AGBL4: variants seen among roughly 807,000 people sequenced by gnomAD.
AGBL4 encodes cytosolic carboxypeptidase 6.
AGBL4 carries 58 observed loss-of-function variants against 66.4 expected under a neutral mutation model. That is an observed-to-expected ratio of 0.87 (90% confidence interval 0.71 to 1.09). AGBL4 has a LOEUF of 1.09. Ranked by LOEUF, AGBL4 falls within the 50% of genes least tolerant of loss-of-function variation. The pLI, the probability that AGBL4 is intolerant of heterozygous loss-of-function variation, is 0.00. For missense variants in AGBL4, 579 were observed against 631.0 expected (o/e 0.92, Z 0.88); for synonymous variants, 234 against 222.9 (o/e 1.05, Z -0.44).
chr1:49,740,368 C>T (rs1007533070), intron 2 of AGBL4, among the ~76,000 whole-genome samples: 15 of 152,058 alleles, frequency 9.9e-5, no homozygotes, highest in Non-Finnish European at 1.5e-5. Flanking sequence ...AATATATAGG[C>T]GCCCAATATA....
intron 11 of AGBL4, among the ~76,000 whole-genome samples, chr1:48,544,505 C>T (rs1644128069): frequency 6.6e-6 from 1 of 152,160 alleles, no homozygotes; most frequent in African/African-American, 2.4e-5. Context: ...AGTACATGAC[C>T]TTGCCACTCC....
chr1:48,636,040 T>G (rs1376131735), intron 8 of AGBL4, among the ~76,000 whole-genome samples: 1 of 152,258 alleles, frequency 6.6e-6, no homozygotes, highest in Non-Finnish European at 1.5e-5. Flanking sequence ...GTGGCACATT[T>G]ATTTTGTTTT....
At position 49,527,722 on chromosome 1, in the gene AGBL4, C is replaced by T. The variant is rs144857159; in HGVS notation, c.282+169591G>A. 210 of 152,266 alleles carry T rather than the reference C, an allele frequency of 1.4e-3. 1 individual carries two copies. Among genetic ancestry groups the T allele is most frequent in the African/African-American group, 4.8e-3 (200 of 41,562 alleles). 9.4% of individuals were successfully genotyped at this position (152,266 alleles called of 1,614,324 possible). A position where few individuals can be genotyped will look rare whatever the true frequency, so the allele number is the denominator to read the frequency against. On this transcript the variant is annotated intron_variant, in intron 3 of 13. Coordinates refer to ENST00000371839, the MANE Select transcript of AGBL4 (RefSeq NM_032785.4). ...TTTGCCACCATTCTCGGTGCCCCAT[C>T]CACTAGCTCGGATCCTTTCAATCTC... is the stretch of plus-strand genomic sequence containing the variant.
At chr1:48,808,573 C>T (rs1645980603) in intron 6 of AGBL4, among the ~76,000 whole-genome samples, 1 of 150,674 alleles carries the variant, frequency 6.6e-6, no homozygotes, top group African/African-American at 2.4e-5. Flanking sequence ...GAAGAGAAAA[C>T]CAATTTTTTT....
intron 3 of AGBL4, among the ~76,000 whole-genome samples, chr1:49,556,516 TTATA>T (rs35314433): frequency 2.3e-4 from 34 of 146,638 alleles, no homozygotes; most frequent in African/African-American, 4.2e-4. Flanking sequence ...ATAAAAAAAA[TTATA>T]TATATATATA....
intron 6 of AGBL4, among the ~76,000 whole-genome samples, chr1:48,719,030 C>A (rs1012948123): frequency 6.6e-6 from 1 of 152,168 alleles, no homozygotes; most frequent in Non-Finnish European, 1.5e-5. Context: ...AGGATTCAGA[C>A]GGTTGTATGA....
intron 5 of AGBL4, among the ~76,000 whole-genome samples, chr1:49,023,985 C>G (rs548270569): frequency 6.6e-6 from 1 of 152,212 alleles, no homozygotes; most frequent in South Asian, 2.1e-4. Flanking sequence ...TTGTACCTTT[C>G]ACTTTGAGAG....
At chr1:49,844,760 A>C in intron 2 of AGBL4, 1 of 1,588,632 alleles carries the variant, frequency 6.3e-7, no homozygotes, top group Non-Finnish European at 8.6e-7. Flanking sequence ...ATATCCAACA[A>C]TGTCATCTTG....
chr1:49,606,134 A>G (rs1030809010), intron 3 of AGBL4, among the ~76,000 whole-genome samples: 8 of 152,160 alleles, frequency 5.3e-5, no homozygotes, highest in Admixed American at 4.6e-4. Flanking sequence ...AAGTTGCCCT[A>G]GTCTCTAATG....
At chr1:49,120,197 T>C (rs1189767655) in intron 4 of AGBL4, among the ~76,000 whole-genome samples, 2 of 152,342 alleles carry the variant, frequency 1.3e-5, no homozygotes. Flanking sequence ...AATATTGTTA[T>C]GTATGAATTT....
At chr1:49,733,449 T>A (rs145253975) in intron 2 of AGBL4, among the ~76,000 whole-genome samples, 370 of 152,294 alleles carry the variant, frequency 2.4e-3, no homozygotes, top group Non-Finnish European at 3.9e-3. Context: ...TTAGCTGACA[T>A]TGCTGACTGG....
At chr1:48,732,455 G>C (rs1445876685) in intron 6 of AGBL4, among the ~76,000 whole-genome samples, 3 of 151,916 alleles carry the variant, frequency 2.0e-5, no homozygotes, top group African/African-American at 7.3e-5. Context: ...AATGGAAGTG[G>C]GAGAAGAAAG....
chr1:49,521,964 G>C (rs1360412502), intron 3 of AGBL4, among the ~76,000 whole-genome samples: 6 of 152,022 alleles, frequency 3.9e-5, no homozygotes, highest in Non-Finnish European at 8.8e-5. Flanking sequence ...TGGGTATTTT[G>C]CTCACTACCT....
chr1:48,876,059 C>T (rs7556164), intron 5 of AGBL4, among the ~76,000 whole-genome samples: 148,975 of 152,292 alleles, frequency 0.98, 72,940 homozygotes, highest in East Asian at 1. Flanking sequence ...TGAAAGAAGC[C>T]ACAACTCAAG....
At chr1:49,600,260 G>T (rs548294338) in intron 3 of AGBL4, among the ~76,000 whole-genome samples, 2 of 152,232 alleles carry the variant, frequency 1.3e-5, no homozygotes, top group South Asian at 2.1e-4. Flanking sequence ...CTCTTTGTAG[G>T]TCTCTAAGAA....
chr1:48,583,655 G>A (rs574884271), intron 11 of AGBL4, among the ~76,000 whole-genome samples: 2 of 152,258 alleles, frequency 1.3e-5, no homozygotes, highest in African/African-American at 4.8e-5. Context: ...CTTGCTGAAG[G>A]GTGCTCTCAC....
chr1:49,840,432 G>A lies in AGBL4; in HGVS notation c.157+10964C>T, dbSNP rs367943568. Among the ~76,000 whole-genome samples the A allele has an allele frequency of 5.3e-5, 8 of 152,134 alleles. No homozygotes were observed. In the South Asian group the frequency reaches 8.3e-4, roughly 16 times the overall value. On this transcript the variant is annotated intron_variant, in intron 2 of 13. Transcript: ENST00000371839. ...AAATGAACCCATGGTTTCATTGATG[G>A]TTTGTATAGATTTAATAACTAGTAT...
At chr1:49,381,761 C>T (rs1048482332) in intron 3 of AGBL4, among the ~76,000 whole-genome samples, 45 of 146,574 alleles carry the variant, frequency 3.1e-4, no homozygotes, top group Admixed American at 3.6e-4. Context: ...AAACCAAACA[C>T]GGTATATTCT....
At chr1:48,723,553 C>T (rs550937980) in intron 6 of AGBL4, among the ~76,000 whole-genome samples, 1 of 152,238 alleles carries the variant, frequency 6.6e-6, no homozygotes, top group East Asian at 1.9e-4. Flanking sequence ...ATTATATGCC[C>T]AAGTTAACAC....
Sources: gnomAD v4.1 joint callset for allele counts (sites outside exome capture counted in the v4.1 genomes callset) on GRCh38, gnomAD v4.1.1 for gene constraint, MANE v1.5 for transcripts, NCBI Gene and HGNC (gene_info 2026-07-23, HGNC 2026-07-21) for gene names.